CLIP1: variants seen among roughly 807,000 people sequenced by gnomAD.
CLIP1 encodes CAP-Gly domain containing linker protein 1, also known as CAP-Gly domain-containing linker protein 1.
CLIP1 carries 66 observed loss-of-function variants against 161.6 expected under a neutral mutation model. That is an observed-to-expected ratio of 0.41 (90% confidence interval 0.33 to 0.50). The LOEUF (loss-of-function observed/expected upper bound fraction) is 0.50, where lower values mean the gene tolerates loss of function less well. Among genes scored for constraint, CLIP1 ranks in the 20% least tolerant of loss-of-function variants. CLIP1 has a pLI of 0.27. For synonymous variants in CLIP1, 598 were observed against 626.2 expected (o/e 0.96, Z 0.67); for missense variants, 1,376 against 1,702.0 (o/e 0.81, Z 3.37).
In CLIP1 at chr12:122,279,367, G is replaced by A. The variant is rs1955555920; in HGVS notation, c.3648-222C>T. The A allele has an allele frequency of 3.8e-6, 1 of 260,058 alleles. No individual in the cohort carries two copies. Among genetic ancestry groups the A allele is most frequent in the African/African-American group, 2.3e-5 (1 of 44,322 alleles). 16.1% of individuals were successfully genotyped at this position (260,058 alleles called of 1,614,324 possible). A position where few individuals can be genotyped will look rare whatever the true frequency, so the allele number is the denominator to read the frequency against. ...TTTACCTATGCATAGACATGCCAGA[G>A]TCTGCATGTGATTGTATCCATTTGA... On this transcript the variant is annotated intron_variant, in intron 21 of 25. Coordinates refer to ENST00000620786, the MANE Select transcript of CLIP1 (RefSeq NM_001247997.2). This position sits in a 1 kb window ranked among gnomAD's most constrained non-coding sequence, Gnocchi z 4.5.
intron 19 of CLIP1, among the ~76,000 whole-genome samples, chr12:122,314,535 C>G (rs1223640737): frequency 1.3e-5 from 2 of 152,132 alleles, no homozygotes; most frequent in African/African-American, 4.8e-5. Context: ...GGAATTTTAT[C>G]TAAACCCCAA....
chr12:122,356,654 T>C (rs1208759612), intron 5 of CLIP1, among the ~76,000 whole-genome samples: 3 of 151,904 alleles, frequency 2.0e-5, no homozygotes, highest in African/African-American at 7.2e-5. Flanking sequence ...GGTCTCCCTC[T>C]CCCTCTCTTT....
At chr12:122,310,006 T>C (rs1325851488) in intron 19 of CLIP1, 124 bp from the exon 20 acceptor site, 2 of 1,057,854 alleles carry the variant, frequency 1.9e-6, no homozygotes, top group Admixed American at 4.7e-5. Context: ...GGATCTATAA[T>C]AACAGCAGAC....
chr12:122,407,748 C>CAAA (rs35500806), intron 1 of CLIP1, among the ~76,000 whole-genome samples: 20,627 of 38,214 alleles, frequency 0.54, 7,534 homozygotes, highest in Non-Finnish European at 0.59. Flanking sequence ...GACCCTGTCT[C>CAAA]AAAAAAAAAA....
At chr12:122,400,730 TAA>T (rs1231760967) in intron 1 of CLIP1, 1 of 152,136 alleles carries the variant, frequency 6.6e-6, no homozygotes, top group African/African-American at 2.4e-5. Context: ...CCAACGAATC[TAA>T]AAAAGTTTGA....
rs776825432 is a variant in CLIP1 at position 122,328,079 on chromosome 12, C to T, written c.3117G>A (p.Lys1039=). The change falls in exon 17 of 26, where the codon AAG becomes AAA. Residue 1039 remains lysine, a synonymous_variant. Coordinates refer to ENST00000620786, the MANE Select transcript of CLIP1 (RefSeq NM_001247997.2). The part of the protein sequence containing the change: ...YERATSETKT[K]HEEILQNLQK... ...GGAGGTTCTGTAGGATTTCTTCATG[C>T]TTGGTTTTTGTCTCAGAAGTGGCTC... The T allele has an allele frequency of 1.9e-6, 3 of 1,614,168 alleles. No homozygotes were observed. The highest frequency in any genetic ancestry group is 2.5e-6 in the Non-Finnish European group (3 of 1,180,040).
intron 1 of CLIP1, among the ~76,000 whole-genome samples, chr12:122,386,506 A>C (rs1420482261): frequency 6.6e-6 from 1 of 152,196 alleles, no homozygotes; most frequent in African/African-American, 2.4e-5. Context: ...AAAGCTGGAT[A>C]AAAATAGGCA....
At chr12:122,343,623 A>G (rs189408731) in intron 10 of CLIP1, 2 of 152,334 alleles carry the variant, frequency 1.3e-5, no homozygotes, top group African/African-American at 4.8e-5. Context: ...CCTGGAATGT[A>G]CATCTAACCT....
At chr12:122,277,394 T>C (rs947831624) in intron 24 of CLIP1, 1 of 150,614 alleles carries the variant, frequency 6.6e-6, no homozygotes, top group Admixed American at 6.7e-5. Context: ...TATGTCCAGG[T>C]TGGTCTCAAA....
Position 122,377,435 on chromosome 12 carries a change from G to A in CLIP1, c.611C>T (p.Ser204Leu). ...GAGCTCTCTTTCTCCTTTCTTGATT[G>A]AGCCAGCCTCTGAAAGGTTGGAGAT... ...ESISNLSEAG[S>L]IKKGERELKI... The change falls in exon 3 of 26, where the codon TCA becomes TTA. Residue 204 changes from serine to leucine, a missense_variant. Transcript: ENST00000620786. The A allele has an allele frequency of 1.2e-6, 2 of 1,614,038 alleles. No homozygotes were observed. Among genetic ancestry groups the A allele is most frequent in the Non-Finnish European group, 1.7e-6 (2 of 1,180,004 alleles).
intron 1 of CLIP1, among the ~76,000 whole-genome samples, chr12:122,387,550 A>T (rs553995794): frequency 0.014 from 182 of 12,554 alleles, 2 homozygotes; most frequent in South Asian, 0.1. Context: ...GCCTTTTCAT[A>T]TATATATATA....
At chr12:122,328,749 T>C (rs1002569567) in intron 15 of CLIP1, among the ~76,000 whole-genome samples, 1 of 152,144 alleles carries the variant, frequency 6.6e-6, no homozygotes, top group Non-Finnish European at 1.5e-5. Context: ...GCCTGGCTAC[T>C]TTTTTGTATT....
intron 20 of CLIP1, among the ~76,000 whole-genome samples, chr12:122,298,973 A>G (rs1414374354): frequency 6.6e-6 from 1 of 152,134 alleles, no homozygotes; most frequent in Non-Finnish European, 1.5e-5. Context: ...AAGAAGAATG[A>G]TATCAATGGT....
intron 3 of CLIP1, among the ~76,000 whole-genome samples, chr12:122,370,866 G>A (rs1334824312): frequency 2.0e-5 from 3 of 149,954 alleles, no homozygotes; most frequent in Non-Finnish European, 2.9e-5. Flanking sequence ...GCTGGGACAA[G>A]AGAATCGCCT....
intron 1 of CLIP1, among the ~76,000 whole-genome samples, chr12:122,402,952 C>T (rs1392142): frequency 0.61 from 93,228 of 152,096 alleles, 28,993 homozygotes; most frequent in Non-Finnish European, 0.64. Context: ...CCACATTTCA[C>T]GTGCTCAATA....
At chr12:122,330,117 C>CA (rs199996330) in intron 15 of CLIP1, among the ~76,000 whole-genome samples, 1,978 of 147,656 alleles carry the variant, frequency 0.013, 46 homozygotes, top group African/African-American at 0.041. Context: ...AGCTCCGTCT[C>CA]AAAAAAAAAC....
intron 24 of CLIP1, chr12:122,275,737 G>C (rs1459310068): frequency 6.6e-6 from 1 of 151,754 alleles, no homozygotes; most frequent in East Asian, 1.9e-4. Context: ...TTTTCTGTTC[G>C]GCAGATTTGA....
At chr12:122,357,207 G>C (rs1019956059) in intron 5 of CLIP1, among the ~76,000 whole-genome samples, 2 of 151,542 alleles carry the variant, frequency 1.3e-5, no homozygotes, top group Admixed American at 6.6e-5. Context: ...GTCTCTGCCC[G>C]GCCGCCCATC....
At chr12:122,283,728 G>C (rs527509622) in intron 21 of CLIP1, among the ~76,000 whole-genome samples, 1 of 152,040 alleles carries the variant, frequency 6.6e-6, no homozygotes, top group Admixed American at 6.6e-5. Flanking sequence ...TTACAGGCGT[G>C]ACCCACCGCA....
Sources: allele counts gnomAD v4.1 joint callset (sites outside exome capture counted in the v4.1 genomes callset), GRCh38; gene constraint gnomAD v4.1.1; non-coding constraint Gnocchi (gnomAD v3.1); transcripts MANE v1.5; gene names NCBI Gene and HGNC (gene_info 2026-07-23, HGNC 2026-07-21).